Variants in XIRP2 observed in about 807,000 individuals in gnomAD.
XIRP2 encodes xin actin-binding repeat-containing protein 2.
Under a neutral mutation model 277.0 loss-of-function variants are expected in XIRP2, and 236 were observed. The observed-to-expected ratio is 0.85, with a 90% CI of 0.77 to 0.95. XIRP2 has a LOEUF of 0.95. XIRP2 is among the 40% of genes least tolerant of loss of function. The pLI, the probability that XIRP2 is intolerant of heterozygous loss-of-function variation, is 0.00. For missense variants in XIRP2, 4,640 were observed against 4,157.5 expected, an observed-to-expected ratio of 1.12 and a Z score of -3.19; for synonymous variants, 1,490 against 1,416.5, an observed-to-expected ratio of 1.05 and a Z score of -1.17.
intron 2 of XIRP2, among the ~76,000 whole-genome samples, chr2:166,930,350 T>G (rs1044646707): frequency 2.0e-5 from 3 of 152,170 alleles, no homozygotes; most frequent in Admixed American, 6.6e-5. Context: ...ATAGGCAACT[T>G]TTCTGAAACA....
intron 3 of XIRP2, among the ~76,000 whole-genome samples, chr2:167,194,824 G>A (rs538034664): frequency 7.9e-5 from 12 of 152,178 alleles, no homozygotes; most frequent in Non-Finnish European, 1.2e-4. Flanking sequence ...TTATTTCAAA[G>A]ATTAAATGAA....
rs940406337 is a variant in XIRP2 at position 167,246,776 on chromosome 2, G to A, written c.5384G>A (p.Arg1795Lys). ...VEGTKLLLKK[R>K]QSLVERTVSE... ...GGTACAAAACTGTTACTGAAGAAAA[G>A]GCAGTCTCTGGTTGAACGTACTGTT... The change falls in exon 9 of 11, where the codon AGG (arginine) becomes AAG (lysine). Residue 1795 changes from arginine (R) to lysine (K), a missense_variant. Physicochemically the swap from Arg to Lys is conservative, Grantham distance 26 (BLOSUM62 2). Coordinates refer to ENST00000409195, the MANE Select transcript of XIRP2 (RefSeq NM_152381.6). 5.0e-6 allele frequency: 8 copies of A among 1,613,694 alleles called. No homozygotes were observed. In the African/African-American group the frequency reaches 8.0e-5, roughly 16 times the overall value.
chr2:167,177,996 A>G (rs1173868570), intron 3 of XIRP2, among the ~76,000 whole-genome samples: 1 of 151,992 alleles, frequency 6.6e-6, no homozygotes, highest in African/African-American at 2.4e-5. Flanking sequence ...AGATTTTCTT[A>G]TGCTAACAGA....
At chr2:166,939,691 A>AC (rs1170612858) in intron 2 of XIRP2, among the ~76,000 whole-genome samples, 1 of 150,286 alleles carries the variant, frequency 6.7e-6, no homozygotes, top group Non-Finnish European at 1.5e-5. Context: ...AAAAAAAAAA[A>AC]AAAAAAACAA....
rs199588580 is a variant in XIRP2 at position 167,251,681 on chromosome 2, T to C, written c.10289T>C (p.Val3430Ala). 8.8e-5 allele frequency: 142 copies of C among 1,613,314 alleles called. No homozygotes were observed. Among genetic ancestry groups the C allele is most frequent in the Admixed American group, 1.0e-4 (6 of 59,922 alleles). The change falls in exon 9 of 11, where the codon GTT becomes GCT. Residue 3430 changes from valine (V) to alanine (A), a missense_variant. Transcript: ENST00000409195. ...SGMDAFESQI[V>A]ESKMKTSSSH... is the part of the protein sequence containing the mutation. ...ATGGATGCATTTGAGAGTCAAATTG[T>C]TGAGTCGAAGATGAAAACCTCTTCA...
At chr2:167,099,737 A>G (rs1378841543) in intron 2 of XIRP2, among the ~76,000 whole-genome samples, 5 of 152,006 alleles carry the variant, frequency 3.3e-5, no homozygotes, top group African/African-American at 1.2e-4. Context: ...AGGGTCCCTC[A>G]TGGCTTCCCT....
chr2:167,009,894 C>A, intron 2 of XIRP2, among the ~76,000 whole-genome samples: 1 of 151,992 alleles, frequency 6.6e-6, no homozygotes, highest in Non-Finnish European at 1.5e-5. Flanking sequence ...TTTCCTTCAC[C>A]CACTTTTTGA....
intron 2 of XIRP2, among the ~76,000 whole-genome samples, chr2:167,029,761 G>A (rs1025184714): frequency 6.6e-6 from 1 of 152,014 alleles, no homozygotes; most frequent in African/African-American, 2.4e-5. Flanking sequence ...CTATTGTTTG[G>A]AATAGTTTCA....
At chr2:166,957,924 C>T (rs1282465333) in intron 2 of XIRP2, among the ~76,000 whole-genome samples, 1 of 151,716 alleles carries the variant, frequency 6.6e-6, no homozygotes, top group Non-Finnish European at 1.5e-5. Context: ...TTAGGAACTT[C>T]CTGTGGTATC....
intron 2 of XIRP2, among the ~76,000 whole-genome samples, chr2:167,056,233 G>A (rs1414468263): frequency 1.3e-5 from 2 of 152,062 alleles, no homozygotes; most frequent in East Asian, 1.9e-4. Flanking sequence ...GTAACTGGGG[G>A]GAAAATAGGG....
At chr2:167,019,180 A>G (rs1442843883) in intron 2 of XIRP2, among the ~76,000 whole-genome samples, 3 of 152,030 alleles carry the variant, frequency 2.0e-5, no homozygotes, top group African/African-American at 7.2e-5. Flanking sequence ...TGTGACTGTT[A>G]GGAGATTTAA....
intron 3 of XIRP2, among the ~76,000 whole-genome samples, chr2:167,204,534 C>T (rs1443055223): frequency 6.6e-6 from 1 of 152,068 alleles, no homozygotes; most frequent in Non-Finnish European, 1.5e-5. Context: ...GTTTTAGAAC[C>T]CGTCTCTGTT....
intron 1 of XIRP2, among the ~76,000 whole-genome samples, chr2:166,900,953 C>T (rs1684372486): frequency 6.6e-6 from 1 of 152,084 alleles, no homozygotes; most frequent in Non-Finnish European, 1.5e-5. Flanking sequence ...AAAATCCTGG[C>T]CCCACACTTG....
At chr2:167,175,010 G>A (rs1398906592) in intron 3 of XIRP2, among the ~76,000 whole-genome samples, 1 of 152,034 alleles carries the variant, frequency 6.6e-6, no homozygotes, top group African/African-American at 2.4e-5. Flanking sequence ...CCCATTATGT[G>A]GTCAATTTTA....
At position 167,246,239 on chromosome 2, in the gene XIRP2, G is replaced by C. The variant is rs1695257913; in HGVS notation, c.4847G>C (p.Arg1616Thr). The change falls in exon 9 of 11, where the codon AGG (arginine) becomes ACG (threonine). Residue 1616 changes from arginine (R) to threonine (T), a missense_variant. Physicochemically the swap from Arg to Thr is moderately conservative, Grantham distance 71. Coordinates refer to ENST00000409195, the MANE Select transcript of XIRP2 (RefSeq NM_152381.6). Reference protein sequence around the residue: ...RNIMVNLLSKRDCTEREILIS... With the variant: ...RNIMVNLLSKTDCTEREILIS... ...ATAATGGTGAACCTACTTTCCAAAA[G>C]GGACTGTACTGAAAGAGAGATTTTG... The C allele has an allele frequency of 3.7e-6, 6 of 1,613,196 alleles. No homozygotes were observed. Among genetic ancestry groups the C allele is most frequent in the South Asian group, 3.3e-5 (3 of 90,996 alleles).
chr2:167,240,571 T>C, intron 6 of XIRP2, 93 bp from the exon 7 acceptor site: 1 of 1,108,112 alleles, frequency 9.0e-7, no homozygotes, highest in South Asian at 1.3e-5. Flanking sequence ...AAGTCTTGGG[T>C]GAAAATCACT....
At chr2:167,083,961 G>A (rs1285658655) in intron 2 of XIRP2, among the ~76,000 whole-genome samples, 2 of 151,018 alleles carry the variant, frequency 1.3e-5, no homozygotes, top group Admixed American at 6.6e-5. Flanking sequence ...GCCCTGGCCA[G>A]AACTTCCAAC....
intron 1 of XIRP2, among the ~76,000 whole-genome samples, chr2:166,897,469 G>A (rs538073412): frequency 5.3e-5 from 8 of 152,244 alleles, no homozygotes; most frequent in East Asian, 1.9e-4. Flanking sequence ...GTTGGAATTA[G>A]AGAGCAGACA....
intron 2 of XIRP2, among the ~76,000 whole-genome samples, chr2:166,943,924 C>T (rs1304724018): frequency 6.6e-6 from 1 of 152,210 alleles, no homozygotes; most frequent in Non-Finnish European, 1.5e-5. Context: ...ATTATTTCTA[C>T]TCCAAAAATA....
Sources: allele counts gnomAD v4.1 joint callset (sites outside exome capture counted in the v4.1 genomes callset), GRCh38; gene constraint gnomAD v4.1.1; transcripts MANE v1.5; gene names NCBI Gene and HGNC (gene_info 2026-07-23, HGNC 2026-07-21).